Variants in IQGAP2 observed in about 807,000 individuals in gnomAD.
IQGAP2 encodes IQ motif containing GTPase activating protein 2.
Under a neutral mutation model 201.3 loss-of-function variants are expected in IQGAP2, and 173 were observed. The ratio of observed to expected loss-of-function variants is 0.86; its 90% CI spans 0.76 to 0.98. The LOEUF is 0.98. Among genes scored for constraint, IQGAP2 ranks in the 50% least tolerant of loss-of-function variants. IQGAP2 has a pLI of 0.00. For missense variants in IQGAP2, 1,687 were observed against 1,864.8 expected (o/e 0.90, Z 1.76); for synonymous variants, 675 against 673.9 (o/e 1.00, Z -0.03).
intron 1 of IQGAP2, among the ~76,000 whole-genome samples, 186 bp from the exon 2 acceptor site, chr5:76,461,382 TAA>T (rs1465921732): frequency 6.8e-6 from 1 of 147,022 alleles, no homozygotes; most frequent in African/African-American, 2.5e-5. Context: ...AAAAAAAAAA[TAA>T]AAATAAAGGA....
At chr5:76,661,078 A>G (rs910071610) in intron 21 of IQGAP2, among the ~76,000 whole-genome samples, 8 of 152,142 alleles carry the variant, frequency 5.3e-5, no homozygotes, top group African/African-American at 1.9e-4. Flanking sequence ...GGTGATAGTT[A>G]AGTTTATCTT....
rs1024245438 is a variant in IQGAP2 at position 76,702,497 on chromosome 5, A to C, written c.4521A>C (p.Thr1507=). The C allele has an allele frequency of 6.5e-7, 1 of 1,536,084 alleles. No individual in the cohort carries two copies. The highest frequency in any genetic ancestry group is 1.1e-5 in the South Asian group (1 of 89,300). Residue 1507 remains threonine, a synonymous_variant, in exon 35 of 36, where the codon ACA becomes ACC. Coordinates refer to ENST00000274364, the MANE Select transcript of IQGAP2 (RefSeq NM_006633.5). ...DLQTNQFKNV[T]FDIIATEDVG... The stretch of plus-strand genomic sequence containing the variant: ...TTCTTCACAGGTTTAAGAATGTTAC[A>C]TTTGATATCATAGCTACTGAAGATG...
intron 13 of IQGAP2, chr5:76,623,421 G>A (rs902020381): frequency 4.9e-5 from 30 of 609,350 alleles, no homozygotes; most frequent in Non-Finnish European, 7.5e-5. Flanking sequence ...TCCACTCGAT[G>A]CTTCAGTAAG....
At chr5:76,670,061 G>T (rs552455412) in intron 23 of IQGAP2, among the ~76,000 whole-genome samples, 1 of 152,234 alleles carries the variant, frequency 6.6e-6, no homozygotes, top group South Asian at 2.1e-4. Context: ...GACTTCAGGG[G>T]GATAGGTCCC....
In IQGAP2 at chr5:76,623,091, A is replaced by G. The variant is rs1749868310; in HGVS notation, c.1522-4319A>G. On this transcript the variant is annotated intron_variant, in intron 13 of 35. Coordinates refer to ENST00000274364, the MANE Select transcript of IQGAP2 (RefSeq NM_006633.5). ...TTTACAGTTTGTGTGAGATGCAAAG[A>G]AACCTAGGTTCAGTTGACTCTTAAT... 4 of 1,382,176 alleles carry G rather than the reference A, an allele frequency of 2.9e-6. No homozygotes were observed. The East Asian group carries it at 9.1e-5, about 32-fold the overall frequency. The allele number at this position is 1,382,176 out of a possible 1,614,324, so 85.6% of individuals were successfully genotyped here.
intron 11 of IQGAP2, among the ~76,000 whole-genome samples, chr5:76,603,015 T>C (rs535330394): frequency 6.6e-6 from 1 of 152,356 alleles, no homozygotes; most frequent in South Asian, 2.1e-4. Context: ...TGTTCTAAAA[T>C]GTAACCCTAT....
chr5:76,578,736 A>G (rs765846705), intron 5 of IQGAP2, among the ~76,000 whole-genome samples: 7 of 152,190 alleles, frequency 4.6e-5, no homozygotes, highest in Non-Finnish European at 8.8e-5. Flanking sequence ...AATACCCACT[A>G]TCTCAACACC....
intron 17 of IQGAP2, among the ~76,000 whole-genome samples, chr5:76,651,146 A>C (rs457054): frequency 6.6e-6 from 1 of 151,968 alleles, no homozygotes; most frequent in South Asian, 2.1e-4. Flanking sequence ...TACTCTGACT[A>C]CCTCAAGCTT....
chr5:76,547,244 TG>T (rs1236628008), intron 2 of IQGAP2, among the ~76,000 whole-genome samples: 4 of 152,204 alleles, frequency 2.6e-5, no homozygotes, highest in African/African-American at 9.7e-5. Context: ...ATAAGATAAC[TG>T]TAGTTTAAGG....
At chr5:76,578,099 C>G (rs540428774) in intron 5 of IQGAP2, among the ~76,000 whole-genome samples, 1 of 152,304 alleles carries the variant, frequency 6.6e-6, no homozygotes, top group East Asian at 1.9e-4. Context: ...GGTGCTTATG[C>G]TTGCTTCCTG....
At chr5:76,703,837 A>G (rs772083974) in intron 35 of IQGAP2, among the ~76,000 whole-genome samples, 5 of 152,146 alleles carry the variant, frequency 3.3e-5, no homozygotes, top group Admixed American at 6.5e-5. Flanking sequence ...GGTATTTTGC[A>G]TATGTTTACA....
At chr5:76,518,784 A>G (rs554413069) in intron 2 of IQGAP2, among the ~76,000 whole-genome samples, 27 of 152,332 alleles carry the variant, frequency 1.8e-4, no homozygotes, top group African/African-American at 5.8e-4. Context: ...TTTTCAGGAG[A>G]AAAATTAAAG....
intron 1 of IQGAP2, among the ~76,000 whole-genome samples, chr5:76,451,573 A>C (rs921534950): frequency 3.9e-5 from 6 of 152,194 alleles, no homozygotes; most frequent in African/African-American, 1.4e-4. Flanking sequence ...TGATTTTTAA[A>C]AATACGGTAA....
chr5:76,596,426 C>T (rs1747037586), intron 9 of IQGAP2, among the ~76,000 whole-genome samples: 2 of 152,222 alleles, frequency 1.3e-5, no homozygotes, highest in South Asian at 4.1e-4. Flanking sequence ...TATGCTGAAT[C>T]TACTGTTCCA....
At chr5:76,557,539 G>A (rs970552816) in intron 2 of IQGAP2, among the ~76,000 whole-genome samples, 6 of 152,168 alleles carry the variant, frequency 3.9e-5, no homozygotes, top group Admixed American at 1.3e-4. Flanking sequence ...GTAACATTTT[G>A]TAAATCTTTG....
intron 5 of IQGAP2, among the ~76,000 whole-genome samples, chr5:76,581,627 A>G (rs1016606097): frequency 1.1e-4 from 16 of 152,300 alleles, no homozygotes; most frequent in African/African-American, 3.8e-4. Flanking sequence ...TTGTTACTTC[A>G]TACAGCTTAC....
At chr5:76,617,549 T>C (rs1411038367) in intron 13 of IQGAP2, 1 of 1,532,452 alleles carries the variant, frequency 6.5e-7, no homozygotes, top group African/African-American at 1.4e-5. Flanking sequence ...ACGTTCTCTG[T>C]GATGGCTGTC....
chr5:76,520,237 T>C (rs1456845516), intron 2 of IQGAP2, among the ~76,000 whole-genome samples: 1 of 152,190 alleles, frequency 6.6e-6, no homozygotes, highest in Non-Finnish European at 1.5e-5. Context: ...AGGGGGGTTT[T>C]TTGCCTGTGG....
intron 2 of IQGAP2, among the ~76,000 whole-genome samples, chr5:76,547,760 C>T (rs911086193): frequency 4.5e-4 from 68 of 152,204 alleles, no homozygotes; most frequent in African/African-American, 1.6e-3. Flanking sequence ...AGGTGCTTTG[C>T]ACTGCAAACA....
Sources: allele counts gnomAD v4.1 joint callset (sites outside exome capture counted in the v4.1 genomes callset), GRCh38; gene constraint gnomAD v4.1.1; transcripts MANE v1.5; gene names NCBI Gene and HGNC (gene_info 2026-07-23, HGNC 2026-07-21).